MYO1D: variants seen among roughly 807,000 people sequenced by gnomAD.
The protein encoded by MYO1D is unconventional myosin-Id.
In MYO1D, 83 loss-of-function variants were observed where a neutral mutation model predicts 122.0. The ratio of observed to expected loss-of-function variants is 0.68; its 90% CI spans 0.57 to 0.82. The LOEUF (loss-of-function observed/expected upper bound fraction) is 0.82. Ranked by LOEUF, MYO1D falls within the 40% of genes least tolerant of loss-of-function variation. MYO1D has a pLI of 0.00. For missense variants in MYO1D, 1,157 were observed against 1,269.5 expected, an observed-to-expected ratio of 0.91 and a Z score of 1.35; for synonymous variants, 464 against 446.9, an observed-to-expected ratio of 1.04 and a Z score of -0.48.
At position 32,543,482 on chromosome 17, in the gene MYO1D, A is replaced by T. The variant is rs867919857; in HGVS notation, c.2865-48567T>A. ...TCCCAGCTTCTCGGGAGGCTGAGGC[A>T]GGAGAATGGTGTGAACCCAGGAGGC... On this transcript the variant is annotated intron_variant, in intron 21 of 21. Coordinates refer to ENST00000318217, the MANE Select transcript of MYO1D (RefSeq NM_015194.3). 5.6e-4 allele frequency among the ~76,000 whole-genome samples: 85 copies of T among 151,582 alleles called. 1 individual carries two copies. Among genetic ancestry groups the T allele is most frequent in the African/African-American group, 1.9e-3 (78 of 41,350 alleles).
At chr17:32,844,435 G>GTA (rs1365857387) in intron 1 of MYO1D, among the ~76,000 whole-genome samples, 7 of 146,700 alleles carry the variant, frequency 4.8e-5, no homozygotes, top group African/African-American at 1.7e-4. Flanking sequence ...TATATAATAT[G>GTA]TATATATATA....
intron 1 of MYO1D, among the ~76,000 whole-genome samples, chr17:32,799,821 T>C (rs542520755): frequency 6.6e-5 from 10 of 152,246 alleles, no homozygotes; most frequent in Admixed American, 3.3e-4. Context: ...ATATCCATAA[T>C]ATATAAGAAA....
chr17:32,676,794 G>C (rs1404467720), intron 16 of MYO1D, among the ~76,000 whole-genome samples: 1 of 152,074 alleles, frequency 6.6e-6, no homozygotes, highest in Admixed American at 6.6e-5. Flanking sequence ...GTGATACAAT[G>C]ATGTTTTATG....
chr17:32,686,964 A>AAC (rs57125657), intron 16 of MYO1D, among the ~76,000 whole-genome samples: 24,297 of 145,038 alleles, frequency 0.17, 2,137 homozygotes, highest in Non-Finnish European at 0.22. Context: ...CCTGTTTCAA[A>AAC]ACACACACAC....
At chr17:32,713,055 A>G (rs2089398557) in intron 15 of MYO1D, among the ~76,000 whole-genome samples, 1 of 152,202 alleles carries the variant, frequency 6.6e-6, no homozygotes, top group Non-Finnish European at 1.5e-5. Flanking sequence ...TGTTTAACAC[A>G]TGTAGTCAAA....
rs2091237583 is a variant in MYO1D, at chr17:32,876,815, C to T, written c.58G>A (p.Val20Ile). Residue 20 changes from valine to isoleucine, a missense_variant, in exon 1 of 22, where the codon GTC becomes ATC. Coordinates refer to ENST00000318217, the MANE Select transcript of MYO1D (RefSeq NM_015194.3). ...GKADFVLMDT[V>I]SMPEFMANLR... ...TTGGCCATGAACTCGGGCATGGAGACGGTGTCCATCAGCACGAAGTCTGCC... is the reference window on the plus strand; with the variant it reads ...TTGGCCATGAACTCGGGCATGGAGATGGTGTCCATCAGCACGAAGTCTGCC... The T allele has an allele frequency of 6.6e-6, 10 of 1,525,760 alleles. No homozygotes were observed. The highest frequency in any genetic ancestry group is 8.8e-6 in the Non-Finnish European group (10 of 1,137,326). The allele number at this position is 1,525,760 out of a possible 1,614,324, so 94.5% of individuals were successfully genotyped here.
rs376399496 is a variant in MYO1D at position 32,553,753 on chromosome 17, T to C, written c.2864+51334A>G. ...GAATGTTATGTTCCTGAGAGTTCCT[T>C]ATTGGCCATGTTTTTCTTCTTCTTC... On this transcript the variant is annotated intron_variant, in intron 21 of 21. Transcript: ENST00000318217. Among the ~76,000 whole-genome samples the C allele has an allele frequency of 6.6e-5, 10 of 152,246 alleles. No homozygotes were observed. The East Asian group carries it at 1.9e-3, about 29-fold the overall frequency.
chr17:32,561,701 AAAAAAAG>A (rs58024436), intron 21 of MYO1D, among the ~76,000 whole-genome samples: 34,058 of 143,006 alleles, frequency 0.24, 4,279 homozygotes, highest in African/African-American at 0.38. Context: ...AAAAAAAAAA[AAAAAAAG>A]AAAACTTGGA....
intron 20 of MYO1D, among the ~76,000 whole-genome samples, chr17:32,608,459 C>T (rs1056134754): frequency 6.6e-6 from 1 of 152,108 alleles, no homozygotes; most frequent in East Asian, 1.9e-4. Flanking sequence ...GCTAAAATAA[C>T]AAAACAGCCT....
intron 2 of MYO1D, among the ~76,000 whole-genome samples, chr17:32,780,271 T>C (rs933106126): frequency 6.6e-6 from 1 of 152,206 alleles, no homozygotes; most frequent in African/African-American, 2.4e-5. Context: ...TTAAAATAAT[T>C]TTGTTACATT....
intron 1 of MYO1D, among the ~76,000 whole-genome samples, chr17:32,827,970 A>G (rs1301234517): frequency 6.6e-6 from 1 of 152,222 alleles, no homozygotes; most frequent in Non-Finnish European, 1.5e-5. Context: ...AACTCTTACC[A>G]AGTCAGAACC....
chr17:32,547,560 T>C (rs1330995266), intron 21 of MYO1D, among the ~76,000 whole-genome samples: 1 of 152,200 alleles, frequency 6.6e-6, no homozygotes, highest in Non-Finnish European at 1.5e-5. Context: ...TTAGGAAAGG[T>C]TGTTCATAAT....
chr17:32,835,863 T>A (rs1715217277), intron 1 of MYO1D, among the ~76,000 whole-genome samples: 3 of 152,224 alleles, frequency 2.0e-5, no homozygotes, highest in Admixed American at 2.0e-4. Flanking sequence ...CTTCAAGTAA[T>A]CTAACCTAAA....
rs189392417 is a variant in MYO1D, at chr17:32,625,432, T to G, written c.2709+13290A>C. 6.8e-4 allele frequency among the ~76,000 whole-genome samples: 104 copies of G among 152,330 alleles called. 1 individual carries two copies. The highest frequency in any genetic ancestry group is 2.5e-3 in the Admixed American group (39 of 15,304). ...CTGAGAATTTATTTCATCTATAAAA[T>G]GAGACTTCCTGCCTGGGATTCTTAC... is the stretch of plus-strand genomic sequence containing the variant. On this transcript the variant is annotated intron_variant, in intron 20 of 21. Transcript: ENST00000318217.
chr17:32,542,922 A>G (rs6505300), intron 21 of MYO1D, among the ~76,000 whole-genome samples: 95,166 of 151,880 alleles, frequency 0.63, 31,183 homozygotes, highest in African/African-American at 0.78. Flanking sequence ...CCTGGGATTC[A>G]ATGATTATAA....
At chr17:32,718,184 T>A (rs554047128) in intron 15 of MYO1D, among the ~76,000 whole-genome samples, 1 of 152,264 alleles carries the variant, frequency 6.6e-6, no homozygotes, top group South Asian at 2.1e-4. Context: ...TTTAAGTATA[T>A]AATTCAAGTA....
chr17:32,822,550 T>TCGTCCGCTCCCGGC (rs548637699), intron 1 of MYO1D, among the ~76,000 whole-genome samples: 3 of 149,262 alleles, frequency 2.0e-5, no homozygotes, highest in Admixed American at 6.6e-5. Context: ...CCGGGGCGGC[T>TCGTCCGCTCCCGGC]CGGGACGGGG....
At chr17:32,873,993 A>G (rs2091205356) in intron 1 of MYO1D, among the ~76,000 whole-genome samples, 3 of 152,198 alleles carry the variant, frequency 2.0e-5, no homozygotes, top group African/African-American at 7.2e-5. Context: ...ACTGTCACCC[A>G]GAGTCAGCTT....
chr17:32,861,636 T>C (rs1472003228), intron 1 of MYO1D, among the ~76,000 whole-genome samples: 1 of 152,116 alleles, frequency 6.6e-6, no homozygotes, highest in African/African-American at 2.4e-5. Flanking sequence ...TGCTCCATCT[T>C]CACCTGCCCC....
Sources: gnomAD v4.1 joint callset for allele counts (sites outside exome capture counted in the v4.1 genomes callset) on GRCh38, gnomAD v4.1.1 for gene constraint, MANE v1.5 for transcripts, NCBI Gene and HGNC (gene_info 2026-07-23, HGNC 2026-07-21) for gene names.